CALN1: variants seen among roughly 807,000 people sequenced by gnomAD.
CALN1 encodes the protein calneuron 1.
CALN1 carries 17 observed loss-of-function variants against 30.6 expected under a neutral mutation model. The ratio of observed to expected loss-of-function variants is 0.56; its 90% CI spans 0.38 to 0.83. CALN1 has a LOEUF of 0.83. Ranked by LOEUF, CALN1 falls within the 40% of genes least tolerant of loss-of-function variation. The pLI is 0.00. For missense variants in CALN1, 291 were observed against 354.9 expected, an observed-to-expected ratio of 0.82 and a Z score of 1.45; for synonymous variants, 156 against 131.4, an observed-to-expected ratio of 1.19 and a Z score of -1.28.
chr7:72,398,827 T>C (rs1048121416), intron 2 of CALN1, among the ~76,000 whole-genome samples: 6 of 152,204 alleles, frequency 3.9e-5, no homozygotes, highest in Admixed American at 1.3e-4. Flanking sequence ...TAGAAAAGTT[T>C]CTATAAACAG....
chr7:72,035,985 T>C (rs927147005), intron 4 of CALN1, among the ~76,000 whole-genome samples: 2 of 152,230 alleles, frequency 1.3e-5, no homozygotes, highest in Middle Eastern at 3.2e-3. Context: ...GTCCGTAAAT[T>C]TCAGCCTGAA....
chr7:72,381,176 G>A (rs547144668), intron 2 of CALN1, among the ~76,000 whole-genome samples: 2 of 152,312 alleles, frequency 1.3e-5, no homozygotes, highest in South Asian at 2.1e-4. Flanking sequence ...AAATTATGCA[G>A]AGCAAAGAAT....
intron 3 of CALN1, among the ~76,000 whole-genome samples, chr7:72,109,043 G>T (rs149292470): frequency 6.6e-6 from 1 of 152,122 alleles, no homozygotes. Context: ...TTTTCTGAGC[G>T]GTAAGCACCT....
At chr7:72,336,623 C>T (rs1215491686) in intron 2 of CALN1, 3 of 930,248 alleles carry the variant, frequency 3.2e-6, no homozygotes, top group Non-Finnish European at 2.6e-6. Context: ...GTTTGGACAC[C>T]CTAGAGAGAA....
the CALN1 span, among the ~76,000 whole-genome samples, chr7:72,489,842 A>C: frequency 6.6e-6 from 1 of 151,656 alleles, no homozygotes; most frequent in Non-Finnish European, 1.5e-5. Flanking sequence ...CTTCCTTATC[A>C]CTCCCCAATT....
intron 3 of CALN1, among the ~76,000 whole-genome samples, chr7:72,207,884 A>T (rs1792007991): frequency 1.3e-5 from 2 of 152,212 alleles, no homozygotes; most frequent in Admixed American, 6.5e-5. Flanking sequence ...TAAGACAAAA[A>T]ATCTATACAA....
chr7:71,802,167 T>C (rs1199834752), intron 6 of CALN1, among the ~76,000 whole-genome samples: 5 of 152,154 alleles, frequency 3.3e-5, no homozygotes, highest in Admixed American at 2.0e-4. Flanking sequence ...CCTTAATAGA[T>C]AGTATAATGT....
the CALN1 span, among the ~76,000 whole-genome samples, chr7:72,483,547 A>G: frequency 1.3e-5 from 2 of 151,674 alleles, no homozygotes; most frequent in East Asian, 3.9e-4. Context: ...GGCCTCCCCA[A>G]GTGCTGGGAT....
intron 3 of CALN1, among the ~76,000 whole-genome samples, chr7:72,116,937 C>G (rs1808026105): frequency 6.6e-6 from 1 of 152,122 alleles, no homozygotes; most frequent in African/African-American, 2.4e-5. Flanking sequence ...TAAGCGAAGA[C>G]ATAAATTAAT....
At chr7:72,281,135 T>TAA (rs757061611) in intron 2 of CALN1, among the ~76,000 whole-genome samples, 10 of 142,218 alleles carry the variant, frequency 7.0e-5, no homozygotes, top group African/African-American at 1.8e-4. Flanking sequence ...CAAGAGCGTC[T>TAA]AAAAAAAAAA....
chr7:72,394,651 G>A (rs1267953125), intron 2 of CALN1, among the ~76,000 whole-genome samples: 4 of 133,628 alleles, frequency 3.0e-5, no homozygotes, highest in Non-Finnish European at 4.6e-5. Context: ...CAACTTCAGG[G>A]GTACCATTGA....
At chr7:71,935,773 C>T (rs1261553825) in intron 5 of CALN1, among the ~76,000 whole-genome samples, 1 of 152,168 alleles carries the variant, frequency 6.6e-6, no homozygotes, top group Non-Finnish European at 1.5e-5. Flanking sequence ...ACTGCCAGGG[C>T]ACTGCTTTTC....
At chr7:72,029,642 G>A (rs1051940124) in intron 4 of CALN1, among the ~76,000 whole-genome samples, 3 of 152,038 alleles carry the variant, frequency 2.0e-5, no homozygotes, top group African/African-American at 4.8e-5. Flanking sequence ...AATCAATCAG[G>A]CGCACATGAT....
upstream of CALN1, among the ~76,000 whole-genome samples, chr7:72,416,667 G>A (rs1373208780): frequency 4.0e-5 from 6 of 150,074 alleles, no homozygotes; most frequent in African/African-American, 1.2e-4. Flanking sequence ...CCTGGGAGGC[G>A]GAGGTTGCAG....
At chr7:71,859,975 A>G (rs1029845769) in intron 5 of CALN1, among the ~76,000 whole-genome samples, 3 of 152,190 alleles carry the variant, frequency 2.0e-5, no homozygotes, top group Non-Finnish European at 2.9e-5. Context: ...CGATATCTTG[A>G]GAACAGGAAC....
intron 3 of CALN1, among the ~76,000 whole-genome samples, chr7:72,108,568 C>T (rs1299403170): frequency 6.6e-6 from 1 of 152,158 alleles, no homozygotes; most frequent in Non-Finnish European, 1.5e-5. Context: ...CTGGGAATGC[C>T]TCCCAAATTT....
intron 4 of CALN1, among the ~76,000 whole-genome samples, chr7:72,072,097 G>A (rs930595764): frequency 2.6e-5 from 4 of 152,064 alleles, no homozygotes; most frequent in African/African-American, 7.2e-5. Context: ...AAGGGTAGGG[G>A]AATATCTGAA....
intron 2 of CALN1, among the ~76,000 whole-genome samples, chr7:72,368,151 G>GTA (rs1392354631): frequency 3.3e-5 from 5 of 150,468 alleles, no homozygotes; most frequent in African/African-American, 1.2e-4. Context: ...CTATATCTAT[G>GTA]TGTGTGTATA....
At chr7:72,351,002 G>A (rs1250333048) in intron 2 of CALN1, among the ~76,000 whole-genome samples, 2 of 152,034 alleles carry the variant, frequency 1.3e-5, no homozygotes, top group South Asian at 2.1e-4. Context: ...TGAGCTGGGC[G>A]TGGTGGCAGG....
Sources: gnomAD v4.1 joint callset for allele counts (sites outside exome capture counted in the v4.1 genomes callset) on GRCh38, gnomAD v4.1.1 for gene constraint, MANE v1.5 for transcripts, NCBI Gene and HGNC (gene_info 2026-07-23, HGNC 2026-07-21) for gene names.